The following HHIP variants were observed in gnomAD, a reference collection of about 807,000 sequenced individuals.
The protein encoded by HHIP is hedgehog interacting protein, also known as hedgehog-interacting protein.
Under a neutral mutation model 74.0 loss-of-function variants are expected in HHIP, and 12 were observed. The observed-to-expected ratio is 0.16, with a 90% CI of 0.10 to 0.26. The LOEUF is 0.26. Among genes scored for constraint, HHIP ranks in the 10% least tolerant of loss-of-function variants. The pLI is 1.00. For missense variants in HHIP, 788 were observed against 845.0 expected (o/e 0.93, Z 0.84); for synonymous variants, 309 against 311.6 (o/e 0.99, Z 0.09).
In HHIP at chr4:144,706,528, C is replaced by G; in HGVS notation, c.832-3C>G. ...ATTCTTTGTGTTTTTCATTTGACTG[C>G]AGGGAGGAGATGAAAGAGGACTGCT... On this transcript the variant is annotated splice_region_variant and splice_polypyrimidine_tract_variant and intron_variant, in intron 4 of 12. Coordinates refer to ENST00000296575, the MANE Select transcript of HHIP (RefSeq NM_022475.3). 6.2e-7 allele frequency: 1 copy of G among 1,601,164 alleles called. No individual in the cohort carries two copies. Among genetic ancestry groups the G allele is most frequent in the Non-Finnish European group, 8.5e-7 (1 of 1,174,434 alleles).
At chr4:144,705,374 A>AT (rs911750929) in intron 4 of HHIP, among the ~76,000 whole-genome samples, 6 of 151,742 alleles carry the variant, frequency 4.0e-5, no homozygotes, top group South Asian at 2.1e-4. Flanking sequence ...AGTATTAGAG[A>AT]TTTTTTTTTC....
Position 144,734,852 on chromosome 4 carries a change from C to T in HHIP, c.1872C>T (p.Cys624=), listed in dbSNP as rs1306533905. Residue 624 remains cysteine, a synonymous_variant, in exon 12 of 13, where the codon TGC becomes TGT. Transcript: ENST00000296575. The part of the protein sequence containing the change: ...NGYCTPTGKC[C]CSPGWEGDFC... ...ACTGCACCCCCACGGGAAAGTGCTGCTGCAGTCCAGGCTGGGAGGGGGACT... is the reference window on the plus strand; with the variant it reads ...ACTGCACCCCCACGGGAAAGTGCTGTTGCAGTCCAGGCTGGGAGGGGGACT... The T allele has an allele frequency of 1.2e-5, 20 of 1,612,760 alleles. No homozygotes were observed. The highest frequency in any genetic ancestry group is 1.5e-5 in the Non-Finnish European group (18 of 1,178,958).
At position 144,708,102 on chromosome 4, in the gene HHIP, A is replaced by G. The variant is rs554299425; in HGVS notation, c.1158-66A>G. On this transcript the variant is annotated intron_variant, in intron 6 of 12. Transcript: ENST00000296575. ...TTTTCATCAATAGAGCAACCTCACC[A>G]TATTTAATATAGGTGAAATATATAA... The G allele has an allele frequency of 3.3e-6, 5 of 1,499,260 alleles. No individual in the cohort carries two copies. The Admixed American group carries it at 6.8e-5, about 20-fold the overall frequency. 92.9% of individuals were successfully genotyped at this position (1,499,260 alleles called of 1,614,324 possible). A position where few individuals can be genotyped will look rare whatever the true frequency, so the allele number is the denominator to read the frequency against.
intron 4 of HHIP, among the ~76,000 whole-genome samples, chr4:144,691,400 A>T (rs12511407): frequency 0.47 from 70,963 of 151,562 alleles, 17,674 homozygotes; most frequent in South Asian, 0.73. Flanking sequence ...ATATTTTTGC[A>T]TCTGGCAATA....
chr4:144,649,878 A>C (rs1728369674), intron 1 of HHIP, among the ~76,000 whole-genome samples: 1 of 152,186 alleles, frequency 6.6e-6, no homozygotes, highest in Admixed American at 6.5e-5. Context: ...TAGTACAATG[A>C]TCTATTTACA....
chr4:144,706,996 T>A (rs1730166476), intron 5 of HHIP, 91 bp from the exon 6 acceptor site: 1 of 1,037,220 alleles, frequency 9.6e-7, no homozygotes, highest in South Asian at 1.4e-5. Context: ...GTGCCAGGAG[T>A]TTGTTTTTTC....
At chr4:144,693,620 C>A (rs1464950332) in intron 4 of HHIP, among the ~76,000 whole-genome samples, 1 of 151,864 alleles carries the variant, frequency 6.6e-6, no homozygotes, top group Non-Finnish European at 1.5e-5. Context: ...TTTAGACTTT[C>A]TTTATAAATC....
chr4:144,734,646 A>C, intron 11 of HHIP, 95 bp from the exon 12 acceptor site: 1 of 1,001,588 alleles, frequency 1.0e-6, no homozygotes, highest in South Asian at 2.5e-5. Flanking sequence ...TCTAGAAAGT[A>C]AGAGGCATGC....
At chr4:144,703,214 C>CAAAAA (rs11398510) in intron 4 of HHIP, among the ~76,000 whole-genome samples, 1 of 143,254 alleles carries the variant, frequency 7.0e-6, no homozygotes. Flanking sequence ...AACTCCATCT[C>CAAAAA]AAAAAAAAAA....
intron 11 of HHIP, among the ~76,000 whole-genome samples, chr4:144,721,463 A>G (rs774905511): frequency 3.3e-5 from 5 of 152,170 alleles, no homozygotes; most frequent in Non-Finnish European, 7.3e-5. Context: ...AATCATTTAC[A>G]TAAGTTCAAA....
Position 144,739,219 on chromosome 4 carries a change from T to C in HHIP, c.*1262T>C, listed in dbSNP as rs961158335. The C allele has an allele frequency of 3.3e-5, 5 of 152,248 alleles. No homozygotes were observed. The highest frequency in any genetic ancestry group is 7.3e-5 in the Non-Finnish European group (5 of 68,046). The allele number at this position is 152,248 out of a possible 1,614,324, so 9.4% of individuals were successfully genotyped here. On this transcript the variant is annotated 3_prime_UTR_variant, in exon 13 of 13. Transcript: ENST00000296575. ...AGGGTTTTACAGAGATGACATGTTC[T>C]GACTTAAAACTGCAAAAAGTCTAGT...
intron 11 of HHIP, among the ~76,000 whole-genome samples, chr4:144,719,974 A>G (rs1454296633): frequency 6.6e-6 from 1 of 152,226 alleles, no homozygotes; most frequent in African/African-American, 2.4e-5. Flanking sequence ...TCTATGCAAC[A>G]AAACGCTTTT....
intron 11 of HHIP, among the ~76,000 whole-genome samples, chr4:144,725,194 T>G (rs1003968105): frequency 6.6e-6 from 1 of 152,168 alleles, no homozygotes; most frequent in Non-Finnish European, 1.5e-5. Flanking sequence ...TCATGCAAAT[T>G]TTTTGAAAAG....
rs201351386 is a variant in HHIP at position 144,718,912 on chromosome 4, C to A, written c.1716C>A (p.Thr572=). ...VYILSSSKSM[T]QTHNGKLYKI... ...TTTTATCAAGCAGTAAAAGTATGAC[C>A]CAGACTCACAATGGAAAACTCTACA... The change falls in exon 11 of 13, where the codon ACC becomes ACA. Residue 572 remains threonine (T), a synonymous_variant. Coordinates refer to ENST00000296575, the MANE Select transcript of HHIP (RefSeq NM_022475.3). 1.1e-4 allele frequency: 177 copies of A among 1,610,564 alleles called. No individual in the cohort carries two copies. The highest frequency in any genetic ancestry group is 1.4e-4 in the Non-Finnish European group (168 of 1,177,258).
At chr4:144,726,659 C>T (rs967881151) in intron 11 of HHIP, among the ~76,000 whole-genome samples, 2 of 152,098 alleles carry the variant, frequency 1.3e-5, no homozygotes, top group African/African-American at 4.8e-5. Flanking sequence ...AAGAGAATAT[C>T]AGCACAACAT....
At chr4:144,689,798 T>G in intron 4 of HHIP, among the ~76,000 whole-genome samples, 1 of 152,074 alleles carries the variant, frequency 6.6e-6, no homozygotes, top group East Asian at 1.9e-4. Flanking sequence ...CTAGGTAAAT[T>G]ATTTTATTTT....
intron 4 of HHIP, among the ~76,000 whole-genome samples, chr4:144,673,962 T>G (rs1236496784): frequency 1.3e-5 from 2 of 152,174 alleles, no homozygotes. Flanking sequence ...ATAGAGTAAA[T>G]TAGATGTGAA....
At chr4:144,731,308 G>C (rs1730947773) in intron 11 of HHIP, among the ~76,000 whole-genome samples, 1 of 151,992 alleles carries the variant, frequency 6.6e-6, no homozygotes, top group Non-Finnish European at 1.5e-5. Flanking sequence ...CATTCTTCTA[G>C]GTCCTGGGGA....
At chr4:144,685,132 G>C (rs913251756) in intron 4 of HHIP, among the ~76,000 whole-genome samples, 1 of 152,180 alleles carries the variant, frequency 6.6e-6, no homozygotes, top group African/African-American at 2.4e-5. Context: ...ATTTTCCTGC[G>C]TGTCAGCCTT....
Sources: gnomAD v4.1 joint callset for allele counts (sites outside exome capture counted in the v4.1 genomes callset) on GRCh38, gnomAD v4.1.1 for gene constraint, MANE v1.5 for transcripts, NCBI Gene and HGNC (gene_info 2026-07-23, HGNC 2026-07-21) for gene names.